Variants in PAX7 observed in about 807,000 individuals in gnomAD.
The protein encoded by PAX7 is paired box 7.
Under a neutral mutation model 50.7 loss-of-function variants are expected in PAX7, and 18 were observed. The observed-to-expected ratio is 0.36, with a 90% CI of 0.25 to 0.53. PAX7 has a LOEUF of 0.53. Among genes scored for constraint, PAX7 ranks in the 20% least tolerant of loss-of-function variants. The pLI is 0.93. For synonymous variants in PAX7, 310 were observed against 290.4 expected (o/e 1.07, Z -0.69); for missense variants, 644 against 702.9 (o/e 0.92, Z 0.95).
rs561049071 is a variant in PAX7, at chr1:18,685,898, T to TCCATCA, written c.587-5822_587-5817dup. On this transcript the variant is annotated intron_variant, in intron 4 of 8. Coordinates refer to ENST00000420770, the MANE Select transcript of PAX7 (RefSeq NM_001135254.2). Reference sequence around the variant, plus strand: ...GGGAGCTGCCCCCAGCAACCTTCCATCCATCACCATCACCATCACCATCAC... The same window carrying TCCATCA: ...GGGAGCTGCCCCCAGCAACCTTCCATCCATCACCATCACCATCACCATCACCATCAC... 3.7e-3 allele frequency among the ~76,000 whole-genome samples: 562 copies of TCCATCA among 151,886 alleles called. 2 individuals carry two copies. The highest frequency in any genetic ancestry group is 0.031 in the Middle Eastern group (9 of 294).
chr1:18,683,193 T>TG (rs1240674171), intron 4 of PAX7, among the ~76,000 whole-genome samples: 1 of 152,198 alleles, frequency 6.6e-6, no homozygotes, highest in Non-Finnish European at 1.5e-5. Context: ...TCCTAGATAC[T>TG]GGGACTGAGT....
chr1:18,692,926 C>A (rs1203972290), intron 5 of PAX7, among the ~76,000 whole-genome samples: 1 of 152,174 alleles, frequency 6.6e-6, no homozygotes, highest in East Asian at 1.9e-4. Flanking sequence ...TGTAGGGGGC[C>A]TGGGGACATT....
intron 4 of PAX7, among the ~76,000 whole-genome samples, chr1:18,642,854 T>G (rs1290710436): frequency 1.6e-4 from 16 of 100,832 alleles, no homozygotes; most frequent in South Asian, 3.2e-4. Context: ...CGAAGTGGGG[T>G]GGGGGAGAGG....
chr1:18,723,432 G>A (rs1382698330), intron 7 of PAX7, among the ~76,000 whole-genome samples: 1 of 152,214 alleles, frequency 6.6e-6, no homozygotes, highest in African/African-American at 2.4e-5. Flanking sequence ...AAGGACAGCC[G>A]AATATGGGCA....
At position 18,634,589 on chromosome 1, in the gene PAX7, C is replaced by G; in HGVS notation, c.321+51C>G. 6.5e-7 allele frequency: 1 copy of G among 1,529,580 alleles called. No homozygotes were observed. The highest frequency in any genetic ancestry group is 9.0e-7 in the Non-Finnish European group (1 of 1,110,878). The allele number at this position is 1,529,580 out of a possible 1,614,324, so 94.8% of individuals were successfully genotyped here. A position where few individuals can be genotyped will look rare whatever the true frequency, so the allele number is the denominator to read the frequency against. On this transcript the variant is annotated intron_variant, in intron 2 of 8. Transcript: ENST00000420770. The surrounding 1 kb of genome is among the most constrained non-coding windows in gnomAD (Gnocchi z 4.0). ...GCAGCTGGCTTCCTATAGTCGGGGG[C>G]TCCTGGTTGTGGCCCCTCTTACTAC...
chr1:18,671,017 C>A (rs552788765), intron 4 of PAX7, among the ~76,000 whole-genome samples: 2 of 152,164 alleles, frequency 1.3e-5, no homozygotes, highest in African/African-American at 4.8e-5. Flanking sequence ...CCTGGCAAAC[C>A]GCTTGGCTCC....
chr1:18,701,939 G>C (rs951903803), intron 6 of PAX7, among the ~76,000 whole-genome samples: 1 of 152,116 alleles, frequency 6.6e-6, no homozygotes, highest in Non-Finnish European at 1.5e-5. Context: ...AGCCTTGTAG[G>C]GGAAGAAGGG....
At position 18,718,616 on chromosome 1, in the gene PAX7, C is replaced by A. The variant is rs577365713; in HGVS notation, c.1155+15320C>A. ...CTCAGTGCACCTGGGGGTCCCTGTG[C>A]ACCCCAATGGTATCCACGCCTTGAC... On this transcript the variant is annotated intron_variant, in intron 7 of 8. Transcript: ENST00000420770. 2.6e-5 allele frequency among the ~76,000 whole-genome samples: 4 copies of A among 151,608 alleles called. No homozygotes were observed. In the South Asian group the frequency reaches 8.4e-4, roughly 32 times the overall value.
Position 18,671,502 on chromosome 1 carries a change from C to T in PAX7, c.587-20252C>T, listed in dbSNP as rs141724706. On this transcript the variant is annotated intron_variant, in intron 4 of 8. Transcript: ENST00000420770. ...AAAGCCAGAGGTTGGGGCTGGGAGG[C>T]CCCAGTGGGCCAGGTGGGAGGAGGG... Among the ~76,000 whole-genome samples, 13 of 152,172 alleles carry T rather than the reference C, an allele frequency of 8.5e-5. No individual in the cohort carries two copies. In the East Asian group the frequency reaches 2.5e-3, roughly 29 times the overall value.
At chr1:18,633,892 G>A (rs541784680) in intron 1 of PAX7, among the ~76,000 whole-genome samples, 6 of 152,336 alleles carry the variant, frequency 3.9e-5, no homozygotes, top group South Asian at 2.1e-4. Flanking sequence ...CCCAAGCTTC[G>A]GCCTGAGGGA....
At chr1:18,724,728 T>C (rs982892049) in intron 7 of PAX7, among the ~76,000 whole-genome samples, 23 of 152,288 alleles carry the variant, frequency 1.5e-4, no homozygotes, top group African/African-American at 5.5e-4. Flanking sequence ...GGCAAATTAT[T>C]TAGCTTTCTA....
intron 4 of PAX7, among the ~76,000 whole-genome samples, chr1:18,651,957 C>T (rs1430044867): frequency 6.6e-6 from 1 of 151,870 alleles, no homozygotes; most frequent in East Asian, 1.9e-4. Flanking sequence ...GCATTTCAGG[C>T]ACTTAATTAG....
chr1:18,733,887 C>T (rs1414523510), intron 7 of PAX7, among the ~76,000 whole-genome samples: 3 of 152,192 alleles, frequency 2.0e-5, no homozygotes, highest in East Asian at 3.9e-4. Context: ...GCCACGGCCC[C>T]TTTGCGGGCC....
intron 7 of PAX7, among the ~76,000 whole-genome samples, chr1:18,727,633 G>A (rs34040356): frequency 0.048 from 7,271 of 152,244 alleles, 265 homozygotes; most frequent in South Asian, 0.14. Flanking sequence ...GTCATGATGA[G>A]GCTTAAAGGG....
intron 1 of PAX7, among the ~76,000 whole-genome samples, chr1:18,633,114 A>G (rs1423633494): frequency 6.6e-6 from 1 of 152,046 alleles, no homozygotes; most frequent in East Asian, 1.9e-4. Context: ...ATTAAATCCG[A>G]GAGTGGCTTC....
chr1:18,642,648 C>G (rs2088273801), intron 4 of PAX7, among the ~76,000 whole-genome samples: 1 of 152,138 alleles, frequency 6.6e-6, no homozygotes, highest in South Asian at 2.1e-4. Context: ...TTCCCCTTCC[C>G]CCAACTCTGG....
At chr1:18,740,392 G>A (rs975753905) in intron 8 of PAX7, among the ~76,000 whole-genome samples, 9 of 152,206 alleles carry the variant, frequency 5.9e-5, no homozygotes, top group Non-Finnish European at 8.8e-5. Flanking sequence ...GGCACGCAGA[G>A]TGGCCAGAGG....
chr1:18,660,637 G>A (rs553597678), intron 4 of PAX7, among the ~76,000 whole-genome samples: 77 of 152,240 alleles, frequency 5.1e-4, no homozygotes, highest in African/African-American at 1.7e-3. Flanking sequence ...TATTTACCAC[G>A]TTCAAAAGCC....
At chr1:18,698,429 G>C (rs1174265961) in intron 5 of PAX7, among the ~76,000 whole-genome samples, 2 of 152,074 alleles carry the variant, frequency 1.3e-5, no homozygotes, top group Non-Finnish European at 2.9e-5. Context: ...GGATGCATTA[G>C]CACCAAACTG....
Sources: gnomAD v4.1 joint callset for allele counts (sites outside exome capture counted in the v4.1 genomes callset) on GRCh38, gnomAD v4.1.1 for gene constraint, Gnocchi (gnomAD v3.1) non-coding constraint, MANE v1.5 for transcripts, NCBI Gene and HGNC (gene_info 2026-07-23, HGNC 2026-07-21) for gene names.